The following STAU2 variants were observed in gnomAD, a reference collection of about 807,000 sequenced individuals.
STAU2 encodes the protein staufen double-stranded RNA binding protein 2, also known as double-stranded RNA-binding protein Staufen homolog 2.
Under a neutral mutation model 65.9 loss-of-function variants are expected in STAU2, and 20 were observed. The observed-to-expected ratio is 0.30, with a 90% CI of 0.21 to 0.44. The LOEUF is 0.44. Among genes scored for constraint, STAU2 ranks in the 20% least tolerant of loss-of-function variants. The pLI, the probability that STAU2 is intolerant of heterozygous loss-of-function variation, is 1.00. For missense variants in STAU2, 558 were observed against 683.9 expected, an observed-to-expected ratio of 0.82 and a Z score of 2.05; for synonymous variants, 232 against 233.9, an observed-to-expected ratio of 0.99 and a Z score of 0.07.
At chr8:73,709,854 G>A (rs930475036) in intron 3 of STAU2, among the ~76,000 whole-genome samples, 6 of 151,494 alleles carry the variant, frequency 4.0e-5, no homozygotes, top group African/African-American at 9.7e-5. Flanking sequence ...GAGTATTGAT[G>A]TATGTGGTTC....
intron 3 of STAU2, 82 bp downstream of exon 3, chr8:73,738,202 A>G (rs1806580190): frequency 3.1e-6 from 4 of 1,281,020 alleles, no homozygotes; most frequent in Non-Finnish European, 4.5e-6. Flanking sequence ...CAGTTATAGA[A>G]AAGAAAAGCT....
intron 5 of STAU2, among the ~76,000 whole-genome samples, chr8:73,683,408 A>G (rs1010295492): frequency 6.6e-6 from 1 of 152,172 alleles, no homozygotes; most frequent in Non-Finnish European, 1.5e-5. Context: ...AAAATCCAGC[A>G]TCCCTATATG....
chr8:73,593,707 G>A (rs1810982519), intron 11 of STAU2, among the ~76,000 whole-genome samples: 1 of 152,062 alleles, frequency 6.6e-6, no homozygotes, highest in Admixed American at 6.6e-5. Flanking sequence ...AGAACAAAAC[G>A]CTGACCTCCC....
Position 73,434,297 on chromosome 8 carries a change from C to T in STAU2, c.1531-11595G>A, listed in dbSNP as rs116798916. On this transcript the variant is annotated intron_variant, in intron 13 of 14. Coordinates refer to ENST00000524300, the MANE Select transcript of STAU2 (RefSeq NM_001164380.2). ...GAAAAAGGAAAGGAGGTGGATTCTC[C>T]CCTAGAGCCTCCAAAAAGGCAGTGC... Among the ~76,000 whole-genome samples the T allele has an allele frequency of 5.8e-3, 884 of 151,474 alleles. 22 individuals carry two copies. Among genetic ancestry groups the T allele is most frequent in the African/African-American group, 0.02 (823 of 41,006 alleles).
chr8:73,523,779 T>C (rs1033727193), intron 13 of STAU2, among the ~76,000 whole-genome samples: 10 of 152,112 alleles, frequency 6.6e-5, no homozygotes, highest in South Asian at 2.1e-4. Context: ...GTGGGAGGAA[T>C]TGAAGTTGGA....
chr8:73,653,255 A>T (rs1045305604), intron 6 of STAU2: 1 of 152,248 alleles, frequency 6.6e-6, no homozygotes, highest in African/African-American at 2.4e-5. Context: ...GAGGCTTGTA[A>T]TACTTATTGT....
chr8:73,673,282 A>C, intron 5 of STAU2, 40 bp from the exon 6 acceptor site: 1 of 1,487,132 alleles, frequency 6.7e-7, no homozygotes, highest in Non-Finnish European at 9.0e-7. Flanking sequence ...CAAGTGAAAT[A>C]TCTTCACAAT....
intron 13 of STAU2, among the ~76,000 whole-genome samples, chr8:73,469,605 C>T (rs1001890131): frequency 2.0e-5 from 3 of 151,946 alleles, no homozygotes; most frequent in Non-Finnish European, 2.9e-5. Context: ...CTTGTTGTCT[C>T]TAAAGAAGAC....
chr8:73,647,333 C>T (rs917574897), intron 6 of STAU2, among the ~76,000 whole-genome samples: 67 of 152,288 alleles, frequency 4.4e-4, no homozygotes, highest in African/African-American at 1.5e-3. Flanking sequence ...AACAAAACAT[C>T]CCTCAATAGG....
chr8:73,577,658 T>C (rs1219342889), intron 12 of STAU2, among the ~76,000 whole-genome samples: 1 of 152,170 alleles, frequency 6.6e-6, no homozygotes, highest in African/African-American at 2.4e-5. Flanking sequence ...TGTATACTTA[T>C]GGCTAATTCC....
At chr8:73,584,637 G>A (rs1810234605) in intron 11 of STAU2, among the ~76,000 whole-genome samples, 1 of 152,068 alleles carries the variant, frequency 6.6e-6, no homozygotes, top group South Asian at 2.1e-4. Context: ...CCATTATCAG[G>A]AGAGAAAAAA....
chr8:73,741,795 G>A (rs1463849864), intron 1 of STAU2, among the ~76,000 whole-genome samples: 1 of 152,176 alleles, frequency 6.6e-6, no homozygotes, highest in Non-Finnish European at 1.5e-5. Flanking sequence ...TTACAGGCGT[G>A]AGCCACCACG....
intron 3 of STAU2, among the ~76,000 whole-genome samples, chr8:73,729,211 A>G (rs1282798026): frequency 6.6e-6 from 1 of 152,198 alleles, no homozygotes; most frequent in African/African-American, 2.4e-5. Flanking sequence ...GCTTCATTCT[A>G]TTAATGTGTT....
chr8:73,481,139 A>G (rs76182777), intron 13 of STAU2, among the ~76,000 whole-genome samples: 1 of 133,380 alleles, frequency 7.5e-6, no homozygotes, highest in Non-Finnish European at 1.8e-5. Context: ...CTCCTGTCCA[A>G]TTGCCTTTCA....
chr8:73,738,077 C>T (rs1806570036), intron 3 of STAU2, among the ~76,000 whole-genome samples: 1 of 152,144 alleles, frequency 6.6e-6, no homozygotes, highest in African/African-American at 2.4e-5. Flanking sequence ...CCTTGCACAA[C>T]CAGAAGTTAT....
At chr8:73,618,529 A>G (rs1009557931) in intron 6 of STAU2, among the ~76,000 whole-genome samples, 3 of 152,154 alleles carry the variant, frequency 2.0e-5, no homozygotes, top group African/African-American at 7.2e-5. Context: ...AGATGAGAAG[A>G]GGTGGCAAGA....
At chr8:73,507,329 T>C (rs1822126444) in intron 13 of STAU2, among the ~76,000 whole-genome samples, 1 of 152,260 alleles carries the variant, frequency 6.6e-6, no homozygotes, top group Non-Finnish European at 1.5e-5. Context: ...ATGAATGCTG[T>C]ATTAGCAGGC....
rs16938657 is a variant in STAU2 at position 73,439,635 on chromosome 8, G to A, written c.1531-16933C>T. Among the ~76,000 whole-genome samples, 712 of 152,230 alleles carry A rather than the reference G, an allele frequency of 4.7e-3. 3 individuals are homozygous for A. The highest frequency in any genetic ancestry group is 0.015 in the African/African-American group (635 of 41,554). On this transcript the variant is annotated intron_variant, in intron 13 of 14. Transcript: ENST00000524300. ...TCAATGAGCAGCTCCAACTCTTACC[G>A]GTCATATGACCTTGAGCAAGTACAA... is the stretch of plus-strand genomic sequence containing the variant.
chr8:73,684,874 G>A (rs1308341386), intron 5 of STAU2, among the ~76,000 whole-genome samples: 1 of 152,146 alleles, frequency 6.6e-6, no homozygotes, highest in Non-Finnish European at 1.5e-5. Flanking sequence ...AATTATCAGA[G>A]TAATGCAAAT....
Sources: allele counts gnomAD v4.1 joint callset (sites outside exome capture counted in the v4.1 genomes callset), GRCh38; gene constraint gnomAD v4.1.1; transcripts MANE v1.5; gene names NCBI Gene and HGNC (gene_info 2026-07-23, HGNC 2026-07-21).